ATXN3: variants seen among roughly 807,000 people sequenced by gnomAD.
The protein encoded by ATXN3 is ataxin-3.
A neutral mutation model predicts 58.2 loss-of-function variants in ATXN3; 28 were observed. The ratio of observed to expected loss-of-function variants is 0.48; its 90% CI spans 0.36 to 0.66. The LOEUF (loss-of-function observed/expected upper bound fraction) is 0.66, where lower values mean the gene tolerates loss of function less well. Ranked by LOEUF, ATXN3 falls within the 30% of genes least tolerant of loss-of-function variation. The probability of loss-of-function intolerance (pLI) is 0.00; values close to 1 mark genes in which losing one functional copy is unlikely to be tolerated. For missense variants in ATXN3, 321 were observed against 422.1 expected (o/e 0.76, Z 2.10); for synonymous variants, 113 against 138.5 (o/e 0.82, Z 1.29).
intron 9 of ATXN3, chr14:92,077,692 A>T (rs2060661271): frequency 7.0e-6 from 1 of 143,858 alleles, no homozygotes; most frequent in Non-Finnish European, 1.5e-5. Context: ...GTCACCCAGG[A>T]TAGAGTGCAG....
intron 3 of ATXN3, among the ~76,000 whole-genome samples, chr14:92,095,643 T>C (rs767472593): frequency 1.3e-5 from 2 of 152,048 alleles, no homozygotes; most frequent in East Asian, 1.9e-4. Flanking sequence ...AATCCTTTCA[T>C]GTTTATCTAT....
At chr14:92,054,504 AGG>A (rs1162380872), downstream of ATXN3, among the ~76,000 whole-genome samples, 1 of 152,228 alleles carries the variant, frequency 6.6e-6, no homozygotes, top group East Asian at 1.9e-4. Context: ...TGGCAACATC[AGG>A]AAGTTACCCT....
At chr14:92,069,395 A>T in intron 10 of ATXN3, among the ~76,000 whole-genome samples, 1 of 88,514 alleles carries the variant, frequency 1.1e-5, no homozygotes, top group African/African-American at 4.7e-5. Flanking sequence ...TTTTTTTGAG[A>T]CAGAGTTTTG....
At chr14:92,089,502 C>T (rs1432230541) in intron 5 of ATXN3, among the ~76,000 whole-genome samples, 1 of 151,876 alleles carries the variant, frequency 6.6e-6, no homozygotes, top group African/African-American at 2.4e-5. Flanking sequence ...CCACACCCAG[C>T]TATTTTTTTG....
chr14:92,083,026 C>G, intron 7 of ATXN3, 100 bp downstream of exon 7: 1 of 1,391,600 alleles, frequency 7.2e-7, no homozygotes, highest in Non-Finnish European at 9.7e-7. Flanking sequence ...AAAATAGAGT[C>G]GCCAACAACA....
upstream of ATXN3, among the ~76,000 whole-genome samples, chr14:92,052,142 G>A (rs148990323): frequency 4.3e-3 from 648 of 152,136 alleles, 1 homozygote; most frequent in Middle Eastern, 6.8e-3. Flanking sequence ...TCAGTATTCA[G>A]CCTCCTGGTT....
At position 92,061,066 on chromosome 14, in the gene ATXN3, T is replaced by A. The variant is rs1345496183; in HGVS notation, c.*3254A>T. On this transcript the variant is annotated 3_prime_UTR_variant, in exon 11 of 11. Coordinates refer to ENST00000644486, the MANE Select transcript of ATXN3 (RefSeq NM_004993.6). ...ATGATTTTAAAAATAGTATCAAAAA[T>A]TCAGACAATCAAAATGTGATTTAGG... 1 of 152,148 alleles carries A rather than the reference T, an allele frequency of 6.6e-6. No individual in the cohort carries two copies. Among genetic ancestry groups the A allele is most frequent in the Non-Finnish European group, 1.5e-5 (1 of 68,030 alleles). The allele number at this position is 152,148 out of a possible 1,614,324, so 9.4% of individuals were successfully genotyped here.
chr14:92,051,775 T>A (rs1292556997), upstream of ATXN3, among the ~76,000 whole-genome samples: 1 of 129,960 alleles, frequency 7.7e-6, no homozygotes, highest in South Asian at 3.0e-4. Flanking sequence ...TCGCCTGGGC[T>A]GGAGTCCAAT....
intron 3 of ATXN3, among the ~76,000 whole-genome samples, chr14:92,094,902 T>C (rs2064808362): frequency 6.6e-6 from 1 of 152,124 alleles, no homozygotes; most frequent in Non-Finnish European, 1.5e-5. Context: ...TGCTGGTGGA[T>C]GAGGAAGAGT....
chr14:92,070,905 C>A, intron 10 of ATXN3, 30 bp downstream of exon 10: 1 of 1,613,268 alleles, frequency 6.2e-7, no homozygotes, highest in Non-Finnish European at 8.5e-7. Context: ...GTGAAGGTAG[C>A]GAACATGATG....
At chr14:92,079,049 G>A (rs1455877031) in intron 9 of ATXN3, among the ~76,000 whole-genome samples, 3 of 152,122 alleles carry the variant, frequency 2.0e-5, no homozygotes, top group Admixed American at 6.6e-5. Flanking sequence ...AGCCAGGCAT[G>A]GTGGTGTGTA....
At chr14:92,069,490 C>G (rs960760745) in intron 10 of ATXN3, among the ~76,000 whole-genome samples, 2 of 151,050 alleles carry the variant, frequency 1.3e-5, no homozygotes, top group Non-Finnish European at 2.9e-5. Context: ...TCTCCTGCCT[C>G]AGCCTCCTGA....
intron 4 of ATXN3, 70 bp downstream of exon 4, chr14:92,093,672 CTTCT>C (rs2141062843): frequency 2.6e-6 from 3 of 1,152,024 alleles, no homozygotes; most frequent in East Asian, 4.7e-5. Flanking sequence ...ATGTATTTCT[CTTCT>C]TTAAGAAATT....
At chr14:92,055,616 C>T (rs1014545468), downstream of ATXN3, among the ~76,000 whole-genome samples, 1 of 152,146 alleles carries the variant, frequency 6.6e-6, no homozygotes, top group African/African-American at 2.4e-5. This position sits in a 1 kb window ranked among gnomAD's most constrained non-coding sequence, Gnocchi z 4.5. Flanking sequence ...ACTATTAATC[C>T]TCTGCATTTG....
intron 1 of ATXN3, among the ~76,000 whole-genome samples, chr14:92,098,394 C>G (rs960790147): frequency 6.6e-6 from 1 of 152,088 alleles, no homozygotes; most frequent in Admixed American, 6.6e-5. Flanking sequence ...TCGAGACCAG[C>G]CTGACCAATA....
chr14:92,092,703 G>A (rs961118222), intron 5 of ATXN3, among the ~76,000 whole-genome samples: 6 of 151,918 alleles, frequency 3.9e-5, no homozygotes, highest in African/African-American at 1.4e-4. Flanking sequence ...GCATATACTT[G>A]TCACAAATAA....
intron 9 of ATXN3, among the ~76,000 whole-genome samples, chr14:92,072,944 TGACC>T (rs1343040807): frequency 1.3e-5 from 2 of 152,226 alleles, no homozygotes; most frequent in African/African-American, 4.8e-5. Flanking sequence ...GCCAGAATAC[TGACC>T]TGTGTGTAGG....
rs374165861 is a variant in ATXN3 at position 92,082,646 on chromosome 14, TTTC to T, written c.609-183_609-181del. On this transcript the variant is annotated intron_variant, in intron 7 of 10. Transcript: ENST00000644486. ...AATCCAACTAAGTTTTTTTTTTCCG[TTTC>T]TTTTTTTTTTTTTTTTTGAGACAGG... Among the ~76,000 whole-genome samples the T allele has an allele frequency of 6.4e-3, 909 of 141,140 alleles. 9 individuals are homozygous for T. Among genetic ancestry groups the T allele is most frequent in the African/African-American group, 0.023 (841 of 36,732 alleles). The allele number at this position is 141,140 out of a possible 152,430, so 92.6% of individuals were successfully genotyped here.
In ATXN3 at chr14:92,063,763, G is replaced by C. The variant is rs2057945010; in HGVS notation, c.*557C>G. 1 of 152,148 alleles carries C rather than the reference G, an allele frequency of 6.6e-6. No homozygotes were observed. The highest frequency in any genetic ancestry group is 1.9e-4 in the East Asian group (1 of 5,196). The allele number at this position is 152,148 out of a possible 1,614,324, so 9.4% of individuals were successfully genotyped here. On this transcript the variant is annotated 3_prime_UTR_variant, in exon 11 of 11. Transcript: ENST00000644486. The stretch of plus-strand genomic sequence containing the variant: ...GAAAACCAGGTAGCAGAAAAGTTGT[G>C]ATCAGAGAAAACAACACAAGAAAAC...
Sources: allele counts gnomAD v4.1 joint callset (sites outside exome capture counted in the v4.1 genomes callset), GRCh38; gene constraint gnomAD v4.1.1; non-coding constraint Gnocchi (gnomAD v3.1); transcripts MANE v1.5; gene names NCBI Gene and HGNC (gene_info 2026-07-23, HGNC 2026-07-21).